Variants in ZNF680 observed in about 807,000 individuals in gnomAD.
ZNF680 encodes zinc finger protein 680.
A neutral mutation model predicts 12.1 loss-of-function variants in ZNF680; 6 were observed. That is an observed-to-expected ratio of 0.49 (90% confidence interval 0.27 to 0.98). The LOEUF (loss-of-function observed/expected upper bound fraction) is 0.98. Among genes scored for constraint, ZNF680 ranks in the 50% least tolerant of loss-of-function variants. The probability of loss-of-function intolerance (pLI) is 0.12; values close to 1 mark genes in which losing one functional copy is unlikely to be tolerated. For synonymous variants in ZNF680, 170 were observed against 199.3 expected, an observed-to-expected ratio of 0.85 and a Z score of 1.24; for missense variants, 561 against 616.3, an observed-to-expected ratio of 0.91 and a Z score of 0.95.
intron 1 of ZNF680, among the ~76,000 whole-genome samples, chr7:64,557,621 C>T (rs1584412230): frequency 6.6e-6 from 1 of 150,994 alleles, no homozygotes; most frequent in African/African-American, 2.4e-5. Context: ...GGTGCAATGG[C>T]TCATGCCTGC....
At chr7:64,518,670 G>C (rs1791403707), downstream of ZNF680, among the ~76,000 whole-genome samples, 1 of 151,928 alleles carries the variant, frequency 6.6e-6, no homozygotes, top group African/African-American at 2.4e-5. Context: ...ACAGAATAGA[G>C]AACCCAGAAA....
intron 3 of ZNF680, among the ~76,000 whole-genome samples, chr7:64,531,446 A>G (rs1222134268): frequency 2.0e-5 from 3 of 151,918 alleles, no homozygotes; most frequent in Non-Finnish European, 4.4e-5. Context: ...AATACAAAAA[A>G]ATTAGCCAGG....
At chr7:64,507,858 C>T in the ZNF680 span, among the ~76,000 whole-genome samples, 1 of 139,174 alleles carries the variant, frequency 7.2e-6, no homozygotes, top group Non-Finnish European at 1.6e-5. Flanking sequence ...CACACACACA[C>T]ACACACACAC....
intron 1 of ZNF680, chr7:64,552,181 G>A (rs1387069130): frequency 6.6e-6 from 1 of 152,204 alleles, no homozygotes; most frequent in Non-Finnish European, 1.5e-5. Context: ...AGCCTCCAGA[G>A]TAGATGGAAT....
chr7:64,517,784 T>C (rs1454732675), downstream of ZNF680, among the ~76,000 whole-genome samples: 1 of 152,020 alleles, frequency 6.6e-6, no homozygotes, highest in Non-Finnish European at 1.5e-5. Context: ...AGGGATGATT[T>C]AACATATACA....
the ZNF680 span, chr7:64,500,874 A>C: frequency 8.9e-5 from 49 of 549,544 alleles, no homozygotes; most frequent in African/African-American, 8.9e-4. Context: ...ATGAACTCCC[A>C]TGTGTTCACT....
the ZNF680 span, among the ~76,000 whole-genome samples, chr7:64,509,591 A>G: frequency 6.6e-6 from 1 of 152,154 alleles, no homozygotes; most frequent in African/African-American, 2.4e-5. Flanking sequence ...ATAGTATTAA[A>G]ACATTCCCTT....
intron 1 of ZNF680, chr7:64,551,724 G>A (rs1360060214): frequency 1.9e-5 from 3 of 154,104 alleles, no homozygotes; most frequent in African/African-American, 4.8e-5. Flanking sequence ...TGCTAAAATG[G>A]CTTCTGAAAC....
At chr7:64,530,857 C>CAA (rs202058162) in intron 3 of ZNF680, among the ~76,000 whole-genome samples, 2 of 133,462 alleles carry the variant, frequency 1.5e-5, no homozygotes, top group African/African-American at 5.6e-5. Context: ...GACTCCATCT[C>CAA]AAAAAAAAAA....
chr7:64,545,719 A>G (rs1786753515), intron 1 of ZNF680, among the ~76,000 whole-genome samples: 1 of 152,218 alleles, frequency 6.6e-6, no homozygotes. Context: ...CCTAGAAAGC[A>G]GGAATCTCCT....
chr7:64,555,761 A>G (rs1203397251), intron 1 of ZNF680, among the ~76,000 whole-genome samples: 1 of 150,204 alleles, frequency 6.7e-6, no homozygotes, highest in Non-Finnish European at 1.5e-5. Context: ...AAATAAGATA[A>G]ACCACTAGCT....
At chr7:64,508,920 T>C in the ZNF680 span, among the ~76,000 whole-genome samples, 1 of 152,188 alleles carries the variant, frequency 6.6e-6, no homozygotes, top group Non-Finnish European at 1.5e-5. Flanking sequence ...TTGTGATTCC[T>C]TGAGATAGGG....
chr7:64,502,416 A>G, the ZNF680 span, among the ~76,000 whole-genome samples: 1 of 152,182 alleles, frequency 6.6e-6, no homozygotes, highest in African/African-American at 2.4e-5. Context: ...TGCAAAAGCA[A>G]TCTCATTTAG....
intron 3 of ZNF680, among the ~76,000 whole-genome samples, chr7:64,539,260 GGGA>G (rs895920149): frequency 7.4e-5 from 11 of 148,640 alleles, no homozygotes; most frequent in Non-Finnish European, 1.2e-4. Context: ...GGGAAGCTGA[GGGA>G]GGAGAATTGT....
At chr7:64,549,811 T>TACA (rs1305087479) in intron 1 of ZNF680, among the ~76,000 whole-genome samples, 1 of 152,000 alleles carries the variant, frequency 6.6e-6, no homozygotes, top group Non-Finnish European at 1.5e-5. Flanking sequence ...TGAAACCCCA[T>TACA]GTCTACTTAC....
intron 1 of ZNF680, among the ~76,000 whole-genome samples, chr7:64,548,620 T>G (rs555769343): frequency 1.3e-5 from 2 of 152,258 alleles, no homozygotes; most frequent in South Asian, 4.1e-4. Flanking sequence ...ATCTCTTGTA[T>G]GAGGGGAGGA....
At chr7:64,556,561 AATAACCAG>A (rs1193480811) in intron 1 of ZNF680, among the ~76,000 whole-genome samples, 2 of 152,140 alleles carry the variant, frequency 1.3e-5, no homozygotes, top group Non-Finnish European at 2.9e-5. Context: ...ATGGTGCTGG[AATAACCAG>A]CTAGCACTAT....
At chr7:64,508,682 C>T in the ZNF680 span, among the ~76,000 whole-genome samples, 8 of 152,026 alleles carry the variant, frequency 5.3e-5, no homozygotes, top group Non-Finnish European at 1.0e-4. Context: ...AAAGGGGGTC[C>T]TAGGGCAACT....
intron 1 of ZNF680, among the ~76,000 whole-genome samples, chr7:64,553,252 C>T (rs1333502651): frequency 2.0e-5 from 3 of 151,826 alleles, no homozygotes; most frequent in Non-Finnish European, 4.4e-5. Flanking sequence ...TATACTGAAT[C>T]GTTTATTTAG....
Sources: allele counts gnomAD v4.1 joint callset (sites outside exome capture counted in the v4.1 genomes callset), GRCh38; gene constraint gnomAD v4.1.1; transcripts MANE v1.5; gene names NCBI Gene and HGNC (gene_info 2026-07-23, HGNC 2026-07-21).